Variants in ZNF365 observed in about 807,000 individuals in gnomAD.
ZNF365 encodes protein ZNF365.
ZNF365 carries 22 observed loss-of-function variants against 35.0 expected under a neutral mutation model. That is an observed-to-expected ratio of 0.63 (90% CI 0.45 to 0.90). ZNF365 has a LOEUF of 0.90. Among genes scored for constraint, ZNF365 ranks in the 40% least tolerant of loss-of-function variants. ZNF365 has a pLI of 0.00. For missense variants in ZNF365, 448 were observed against 500.3 expected (o/e 0.90, Z 1.00); for synonymous variants, 188 against 196.2 (o/e 0.96, Z 0.35).
intron 3 of ZNF365, among the ~76,000 whole-genome samples, chr10:62,440,198 T>A (rs1426976507): frequency 6.6e-6 from 1 of 151,972 alleles, no homozygotes; most frequent in African/African-American, 2.4e-5. Flanking sequence ...ATTTATTTAT[T>A]TATTTTTGTA....
At chr10:62,429,443 A>G (rs1377213128) in intron 3 of ZNF365, among the ~76,000 whole-genome samples, 1 of 152,226 alleles carries the variant, frequency 6.6e-6, no homozygotes, top group Non-Finnish European at 1.5e-5. Context: ...AAGACTTTAC[A>G]CAATGCTTAA....
chr10:62,438,445 C>G (rs1840442710), intron 3 of ZNF365, among the ~76,000 whole-genome samples: 2 of 152,078 alleles, frequency 1.3e-5, no homozygotes, highest in Non-Finnish European at 1.5e-5. Flanking sequence ...GCGTTGGCCT[C>G]CCAAAATGCT....
chr10:62,416,406 C>T (rs79888393), intron 3 of ZNF365, among the ~76,000 whole-genome samples: 11 of 152,094 alleles, frequency 7.2e-5, no homozygotes, highest in Non-Finnish European at 1.5e-4. Context: ...CTGAAGAATG[C>T]TTTTCATGTG....
intron 3 of ZNF365, among the ~76,000 whole-genome samples, chr10:62,424,782 A>G (rs1440554628): frequency 1.3e-5 from 2 of 152,236 alleles, no homozygotes; most frequent in East Asian, 3.8e-4. Context: ...GGGACTTACA[A>G]TGACATTGAT....
Position 62,376,351 on chromosome 10 carries a change from A to G in ZNF365, c.158A>G (p.Tyr53Cys). 6.2e-7 allele frequency: 1 copy of G among 1,614,222 alleles called. No individual in the cohort carries two copies. The highest frequency in any genetic ancestry group is 8.5e-7 in the Non-Finnish European group (1 of 1,180,034). Residue 53 changes from tyrosine (Y) to cysteine (C), a missense_variant, in exon 2 of 5, where the codon TAC becomes TGC. Tyr to Cys is a radical substitution (Grantham distance 194). Coordinates refer to ENST00000395254, the MANE Select transcript of ZNF365 (RefSeq NM_014951.3). ...LRAHLEFSHS[Y>C]EERTLLTKCS... ...GCCCATCTGGAGTTCAGTCACAGCT[A>G]CGAAGAAAGAACCCTCTTGACAAAA...
exon 5 of ZNF365, chr10:62,479,907 A>C (rs770206273): frequency 1.5e-5 from 25 of 1,613,300 alleles, no homozygotes; most frequent in Non-Finnish European, 2.1e-5. Flanking sequence ...TGAACTTCGA[A>C]TGATGTGATT....
At chr10:62,440,478 T>G (rs2132464347) in intron 3 of ZNF365, among the ~76,000 whole-genome samples, 1 of 152,246 alleles carries the variant, frequency 6.6e-6, no homozygotes, top group Admixed American at 6.5e-5. Flanking sequence ...AGGGCAGAGG[T>G]TTTTCTTCTA....
intron 3 of ZNF365, among the ~76,000 whole-genome samples, chr10:62,442,996 A>T (rs1004898689): frequency 6.6e-6 from 1 of 152,214 alleles, no homozygotes; most frequent in African/African-American, 2.4e-5. Flanking sequence ...CGTCGCATAC[A>T]GGGATGCACT....
chr10:62,391,157 T>G (rs1839621367), intron 3 of ZNF365, among the ~76,000 whole-genome samples: 2 of 152,268 alleles, frequency 1.3e-5, no homozygotes, highest in African/African-American at 4.8e-5. Flanking sequence ...TTTGACTCTT[T>G]TGTAATAACA....
At chr10:62,457,336 C>T (rs1840777050) in intron 3 of ZNF365, among the ~76,000 whole-genome samples, 1 of 152,186 alleles carries the variant, frequency 6.6e-6, no homozygotes, top group Non-Finnish European at 1.5e-5. Context: ...TTTTCTATAC[C>T]ACTTAAGCAG....
Position 62,376,864 on chromosome 10 carries a change from T to C in ZNF365, c.671T>C (p.Val224Ala). ...CGGGCCTTAAACAGACAGGTGGACG[T>C]GGCCGTGGAAATGATAGCTGTACTG... is the stretch of plus-strand genomic sequence containing the variant. ...RERALNRQVDVAVEMIAVLRQ... is the reference protein window; with the variant it reads ...RERALNRQVDAAVEMIAVLRQ... The change falls in exon 2 of 5, where the codon GTG (valine) becomes GCG (alanine). Residue 224 changes from valine (V) to alanine (A), a missense_variant. Coordinates refer to ENST00000395254, the MANE Select transcript of ZNF365 (RefSeq NM_014951.3). The C allele has an allele frequency of 6.2e-7, 1 of 1,614,072 alleles. No homozygotes were observed. Among genetic ancestry groups the C allele is most frequent in the Non-Finnish European group, 8.5e-7 (1 of 1,180,038 alleles).
exon 4 of ZNF365, chr10:62,459,788 G>A (rs1334952501): frequency 6.2e-7 from 1 of 1,610,228 alleles, no homozygotes; most frequent in Non-Finnish European, 8.5e-7. Flanking sequence ...AAAATGACCT[G>A]GAATTGGAGG....
intron 3 of ZNF365, among the ~76,000 whole-genome samples, chr10:62,434,290 TC>T (rs1267223224): frequency 2.0e-5 from 3 of 152,112 alleles, no homozygotes; most frequent in Admixed American, 2.0e-4. Flanking sequence ...TTTTTTTTTC[TC>T]CCTGTAAATT....
At chr10:62,414,642 C>T (rs1840044247) in intron 3 of ZNF365, among the ~76,000 whole-genome samples, 1 of 152,198 alleles carries the variant, frequency 6.6e-6, no homozygotes, top group African/African-American at 2.4e-5. Flanking sequence ...TTCTAACCTT[C>T]TGCTACACAC....
At chr10:62,376,145 A>G in intron 1 of ZNF365, 36 bp from the exon 2 acceptor site, 1 of 1,595,770 alleles carries the variant, frequency 6.3e-7, no homozygotes, top group East Asian at 2.2e-5. Context: ...TGTGTTTTTC[A>G]GCCGACTTGT....
intron 4 of ZNF365, among the ~76,000 whole-genome samples, chr10:62,463,873 T>A (rs16917269): frequency 0.037 from 5,682 of 152,034 alleles, 168 homozygotes; most frequent in East Asian, 0.19. Context: ...TTGCATCCAA[T>A]GATCTACTAC....
At position 62,401,494 on chromosome 10, in the gene ZNF365, G is replaced by T. The variant is rs77309763; in HGVS notation, c.*1705G>T. The T allele has an allele frequency of 9.2e-6, 9 of 976,834 alleles. No individual in the cohort carries two copies. Among genetic ancestry groups the T allele is most frequent in the Non-Finnish European group, 1.1e-5 (9 of 823,460 alleles). 60.5% of individuals were successfully genotyped at this position (976,834 alleles called of 1,614,324 possible). On this transcript the variant is annotated 3_prime_UTR_variant, in exon 5 of 5. Coordinates refer to ENST00000395254, the MANE Select transcript of ZNF365 (RefSeq NM_014951.3). ...CTTTGACTTTCAGTTTATGGGGGGGGTAGATCATTCATGTGATATATAAGC... is the reference window on the plus strand; with the variant it reads ...CTTTGACTTTCAGTTTATGGGGGGGTTAGATCATTCATGTGATATATAAGC...
chr10:62,432,774 T>C (rs1186887341), intron 3 of ZNF365, among the ~76,000 whole-genome samples: 1 of 152,188 alleles, frequency 6.6e-6, no homozygotes, highest in African/African-American at 2.4e-5. Context: ...CCAATTAGGA[T>C]AAGTATCAGG....
Position 62,424,907 on chromosome 10 carries a change from A to G in ZNF365, c.925-34834A>G, listed in dbSNP as rs561632376. On this transcript the variant is annotated intron_variant, in intron 3 of 4. Coordinates refer to the ZNF365 transcript ENST00000395255. Reference sequence around the variant, plus strand: ...ATACCTGTAATTATCTTGTGGAACCAGAGTGCCACAGAAGCACTTTGGGAA... The same window carrying G: ...ATACCTGTAATTATCTTGTGGAACCGGAGTGCCACAGAAGCACTTTGGGAA... 3.3e-5 allele frequency among the ~76,000 whole-genome samples: 5 copies of G among 152,326 alleles called. No homozygotes were observed. In the South Asian group the frequency reaches 1.0e-3, roughly 32 times the overall value.
Sources: allele counts gnomAD v4.1 joint callset (sites outside exome capture counted in the v4.1 genomes callset), GRCh38; gene constraint gnomAD v4.1.1; transcripts MANE v1.5; gene names NCBI Gene and HGNC (gene_info 2026-07-23, HGNC 2026-07-21).